Variants in DOCK8 observed in about 807,000 individuals in gnomAD.
The protein encoded by DOCK8 is dedicator of cytokinesis 8.
DOCK8 carries 141 observed loss-of-function variants against 245.6 expected under a neutral mutation model. That is an observed-to-expected ratio of 0.57 (90% CI 0.50 to 0.66). The LOEUF is 0.66. DOCK8 is among the 30% of genes least tolerant of loss of function. The pLI, the probability that DOCK8 is intolerant of heterozygous loss-of-function variation, is 0.00. For synonymous variants in DOCK8, 1,168 were observed against 970.2 expected, an observed-to-expected ratio of 1.20 and a Z score of -3.79; for missense variants, 2,965 against 2,603.4, an observed-to-expected ratio of 1.14 and a Z score of -3.02.
rs562503724 is a variant in DOCK8 at position 373,712 on chromosome 9, T to C, written c.2109+1426T>C. Among the ~76,000 whole-genome samples, 3 of 152,342 alleles carry C rather than the reference T, an allele frequency of 2.0e-5. No homozygotes were observed. In the East Asian group the frequency reaches 5.8e-4, roughly 29 times the overall value. On this transcript the variant is annotated intron_variant, in intron 18 of 47. Transcript: ENST00000432829. Reference sequence around the variant, plus strand: ...TTTTCCTCTTATTTTCTTTTTTCCTTAAAGAGAGAACCAACTTTTGCCCTG... The same window carrying C: ...TTTTCCTCTTATTTTCTTTTTTCCTCAAAGAGAGAACCAACTTTTGCCCTG...
chr9:319,119 A>G (rs116039306), intron 7 of DOCK8, among the ~76,000 whole-genome samples: 2,245 of 151,988 alleles, frequency 0.015, 57 homozygotes, highest in African/African-American at 0.052. Flanking sequence ...CAATATAGTG[A>G]GACCCCCTCT....
Position 349,308 on chromosome 9 carries a change from CT to C in DOCK8, c.1679+8990del, listed in dbSNP as rs1265971990. Reference sequence around the variant, plus strand: ...TGTCAACAACAGAAAGATTCTAAAACTTTCAAAAAATGTGCCAGTCCTGGCT... The same window carrying C: ...TGTCAACAACAGAAAGATTCTAAAACTTCAAAAAATGTGCCAGTCCTGGCT... On this transcript the variant is annotated intron_variant, in intron 14 of 47. Coordinates refer to ENST00000432829, the MANE Select transcript of DOCK8 (RefSeq NM_203447.4). Among the ~76,000 whole-genome samples, 11 of 147,154 alleles carry C rather than the reference CT, an allele frequency of 7.5e-5. No homozygotes were observed. The South Asian group carries it at 1.3e-3, about 17-fold the overall frequency.
At chr9:312,901 A>G (rs1054425503) in intron 6 of DOCK8, 2 of 158,648 alleles carry the variant, frequency 1.3e-5, no homozygotes, top group African/African-American at 2.4e-5. Context: ...GATTACTGCT[A>G]TATCTCTGCT....
chr9:371,591 TCA>T, intron 17 of DOCK8, 25 bp downstream of exon 17: 2 of 1,614,034 alleles, frequency 1.2e-6, no homozygotes, highest in Non-Finnish European at 1.7e-6. Context: ...GCCTGCTGAC[TCA>T]CACTGCAGTT....
At chr9:317,395 G>C (rs944698039) in intron 7 of DOCK8, among the ~76,000 whole-genome samples, 1 of 152,154 alleles carries the variant, frequency 6.6e-6, no homozygotes, top group South Asian at 2.1e-4. Context: ...TGAGTGAAAT[G>C]ACCTACATTA....
chr9:306,950 C>A (rs528274436), intron 5 of DOCK8, among the ~76,000 whole-genome samples: 1 of 152,132 alleles, frequency 6.6e-6, no homozygotes, highest in African/African-American at 2.4e-5. Flanking sequence ...CCTGGACTCA[C>A]GCCTCACAGG....
At chr9:220,213 C>G (rs1156800442) in intron 1 of DOCK8, among the ~76,000 whole-genome samples, 1 of 152,152 alleles carries the variant, frequency 6.6e-6, no homozygotes, top group African/African-American at 2.4e-5. Flanking sequence ...AGAATCGGTT[C>G]CTTCCAGATT....
At chr9:350,108 C>T (rs566214995) in intron 14 of DOCK8, among the ~76,000 whole-genome samples, 1 of 152,112 alleles carries the variant, frequency 6.6e-6, no homozygotes, top group African/African-American at 2.4e-5. Context: ...TTCTCATGCC[C>T]TTCTTTCATT....
chr9:438,564 A>G (rs1385847006), intron 39 of DOCK8, among the ~76,000 whole-genome samples: 1 of 152,192 alleles, frequency 6.6e-6, no homozygotes, highest in African/African-American at 2.4e-5. Flanking sequence ...CAGTACTTCC[A>G]TGGCCCTAAA....
In DOCK8 at chr9:429,696, T is replaced by C. The variant is rs2056637524; in HGVS notation, c.4474-6T>C. On this transcript the variant is annotated splice_region_variant and splice_polypyrimidine_tract_variant and intron_variant, in intron 35 of 47. Transcript: ENST00000432829. ...GATGCCTAATGGCCCTTTATGTCTC[T>C]CCTAGTTTGGAGACTTACTCTTTGA... is the stretch of plus-strand genomic sequence containing the variant. 1 of 1,614,092 alleles carries C rather than the reference T, an allele frequency of 6.2e-7. No homozygotes were observed. The highest frequency in any genetic ancestry group is 1.3e-5 in the African/African-American group (1 of 74,948).
chr9:299,326 G>A (rs2049418447), intron 4 of DOCK8, among the ~76,000 whole-genome samples: 1 of 152,180 alleles, frequency 6.6e-6, no homozygotes, highest in African/African-American at 2.4e-5. Flanking sequence ...AAATCCGTGT[G>A]AGAATTTCTC....
intron 33 of DOCK8, among the ~76,000 whole-genome samples, chr9:423,649 A>G (rs2056368374): frequency 6.6e-6 from 1 of 152,114 alleles, no homozygotes; most frequent in Non-Finnish European, 1.5e-5. Flanking sequence ...TGACTTGGAA[A>G]CCCAGTTGTT....
At chr9:296,737 C>A (rs1395061530) in intron 4 of DOCK8, among the ~76,000 whole-genome samples, 2 of 152,210 alleles carry the variant, frequency 1.3e-5, no homozygotes, top group African/African-American at 4.8e-5. Flanking sequence ...TATTTGCTTT[C>A]TAAAAGTATG....
At chr9:352,358 A>G (rs1275688275) in intron 14 of DOCK8, among the ~76,000 whole-genome samples, 1 of 152,126 alleles carries the variant, frequency 6.6e-6, no homozygotes, top group African/African-American at 2.4e-5. Context: ...TGCTTATTTT[A>G]TGCAACCTCT....
intron 14 of DOCK8, among the ~76,000 whole-genome samples, chr9:346,371 G>T (rs572137412): frequency 4.3e-4 from 66 of 152,264 alleles, no homozygotes; most frequent in African/African-American, 1.5e-3. Flanking sequence ...TGAGGCCAAG[G>T]CCCAGCAAGG....
chr9:295,278 C>G (rs1563887459), intron 4 of DOCK8, among the ~76,000 whole-genome samples: 1 of 152,046 alleles, frequency 6.6e-6, no homozygotes, highest in East Asian at 1.9e-4. Context: ...TTCCCAGGGT[C>G]TGGGAGTGGG....
At position 420,452 on chromosome 9, in the gene DOCK8, A is replaced by G; in HGVS notation, c.3892A>G (p.Ile1298Val). Reference protein sequence around the residue: ...LNADTTRNLMICFLWIMKNAD... With the variant: ...LNADTTRNLMVCFLWIMKNAD... Reference sequence around the variant, plus strand: ...CGCGGACACTACTCGCAACCTCATGATCTGCTTCCTCTGGATCATGAAAAA... The same window carrying G: ...CGCGGACACTACTCGCAACCTCATGGTCTGCTTCCTCTGGATCATGAAAAA... Residue 1298 changes from isoleucine (I) to valine (V), a missense_variant, in exon 31 of 48, where the codon ATC (isoleucine) becomes GTC (valine). Ile to Val is a conservative substitution (Grantham distance 29). Around this residue, in one of 3 missense-constraint regions of DOCK8, gnomAD observed 2,825 missense variants for 2,453.5 expected, o/e 1.15. Transcript: ENST00000432829. 6.2e-7 allele frequency: 1 copy of G among 1,614,142 alleles called. No individual in the cohort carries two copies. Among genetic ancestry groups the G allele is most frequent in the Non-Finnish European group, 8.5e-7 (1 of 1,180,028 alleles).
intron 14 of DOCK8, among the ~76,000 whole-genome samples, chr9:340,940 A>G (rs2051557969): frequency 6.6e-6 from 1 of 152,234 alleles, no homozygotes; most frequent in African/African-American, 2.4e-5. Context: ...AGAGGGACAT[A>G]TTAGAAAAAG....
intron 14 of DOCK8, among the ~76,000 whole-genome samples, chr9:350,515 C>G (rs907311311): frequency 1.3e-5 from 2 of 152,144 alleles, no homozygotes; most frequent in African/African-American, 4.8e-5. Flanking sequence ...CTTTAATTTT[C>G]TTAGAACATC....
Sources: allele counts gnomAD v4.1 joint callset (sites outside exome capture counted in the v4.1 genomes callset), GRCh38; gene constraint gnomAD v4.1.1; regional missense constraint gnomAD v4.1.1; transcripts MANE v1.5; gene names NCBI Gene and HGNC (gene_info 2026-07-23, HGNC 2026-07-21).